The following CORO2B variants were observed in gnomAD, a reference collection of about 807,000 sequenced individuals.
The protein encoded by CORO2B is coronin 2B.
In CORO2B, 26 loss-of-function variants were observed where a neutral mutation model predicts 58.8. The observed-to-expected ratio is 0.44, with a 90% CI of 0.32 to 0.61. The LOEUF is 0.61. Ranked by LOEUF, CORO2B falls within the 20% of genes least tolerant of loss-of-function variation. CORO2B has a pLI of 0.04. For missense variants in CORO2B, 460 were observed against 645.1 expected (o/e 0.71, Z 3.11); for synonymous variants, 242 against 253.8 (o/e 0.95, Z 0.44).
the CORO2B span, among the ~76,000 whole-genome samples, chr15:68,552,079 A>C: frequency 6.6e-6 from 1 of 152,166 alleles, no homozygotes; most frequent in Non-Finnish European, 1.5e-5. Context: ...GTCCTCTCAC[A>C]GATAGGGAAA....
intron 1 of CORO2B, among the ~76,000 whole-genome samples, chr15:68,611,918 T>C (rs1900257599): frequency 6.6e-6 from 1 of 152,084 alleles, no homozygotes; most frequent in Non-Finnish European, 1.5e-5. Flanking sequence ...ACTAGAGGTG[T>C]GCACCACCAT....
chr15:68,594,140 C>G (rs949505619), intron 1 of CORO2B, among the ~76,000 whole-genome samples: 1 of 152,226 alleles, frequency 6.6e-6, no homozygotes, highest in East Asian at 1.9e-4. Flanking sequence ...TTGGGGGAGA[C>G]ATAAAGGGGA....
chr15:68,620,304 T>C (rs1900482328), intron 1 of CORO2B, among the ~76,000 whole-genome samples: 1 of 152,206 alleles, frequency 6.6e-6, no homozygotes, highest in Non-Finnish European at 1.5e-5. Context: ...TAGAATGATG[T>C]TTGTACAGAT....
chr15:68,702,801 ATCTTTT>A (rs1280487041), intron 3 of CORO2B, among the ~76,000 whole-genome samples: 93 of 135,298 alleles, frequency 6.9e-4, no homozygotes, highest in African/African-American at 2.0e-3. Flanking sequence ...CAGAAACCAT[ATCTTTT>A]TCTTTTTCTT....
At chr15:68,600,167 C>A (rs1899945699) in intron 1 of CORO2B, among the ~76,000 whole-genome samples, 8 of 152,210 alleles carry the variant, frequency 5.3e-5, no homozygotes, top group Admixed American at 2.0e-4. Flanking sequence ...AAACAAGCCT[C>A]CATCTAAAAA....
At chr15:68,641,842 G>T in intron 1 of CORO2B, among the ~76,000 whole-genome samples, 1 of 152,104 alleles carries the variant, frequency 6.6e-6, no homozygotes, top group East Asian at 1.9e-4. Flanking sequence ...TCCCACCTCA[G>T]CCTCCCAAGT....
chr15:68,605,694 TCA>T (rs1237297973), intron 1 of CORO2B, among the ~76,000 whole-genome samples: 2 of 143,476 alleles, frequency 1.4e-5, no homozygotes, highest in Non-Finnish European at 3.0e-5. Context: ...CTGGGAGGAG[TCA>T]CAGAGGGCTC....
At chr15:68,554,946 C>T in the CORO2B span, among the ~76,000 whole-genome samples, 5 of 152,194 alleles carry the variant, frequency 3.3e-5, no homozygotes, top group Non-Finnish European at 7.3e-5. Context: ...ATGACCCCAA[C>T]CCCAGGGCTG....
chr15:68,719,600 C>T (rs747486665), intron 11 of CORO2B, 48 bp downstream of exon 11: 10 of 1,562,584 alleles, frequency 6.4e-6, no homozygotes, highest in South Asian at 1.2e-5. Context: ...AGAGCAAGAC[C>T]TTTACATTTC....
chr15:68,720,476 G>A (rs1055121843), intron 11 of CORO2B, among the ~76,000 whole-genome samples: 5 of 152,196 alleles, frequency 3.3e-5, no homozygotes, highest in Admixed American at 3.3e-4. Context: ...CGTGGCTGAA[G>A]GTCTCTCATG....
intron 4 of CORO2B, among the ~76,000 whole-genome samples, 187 bp downstream of exon 4, chr15:68,711,068 G>C (rs143085627): frequency 1.8e-3 from 273 of 152,184 alleles, no homozygotes; most frequent in Middle Eastern, 6.8e-3. Flanking sequence ...GTCATTCCTG[G>C]GGTCCACAGA....
intron 3 of CORO2B, among the ~76,000 whole-genome samples, chr15:68,699,187 C>G (rs1892583881): frequency 6.6e-6 from 1 of 151,972 alleles, no homozygotes; most frequent in African/African-American, 2.4e-5. Context: ...GAGGAGCGGG[C>G]AGGAAGGGCA....
At chr15:68,580,433 G>T (rs1899401078) in intron 1 of CORO2B, among the ~76,000 whole-genome samples, 1 of 152,002 alleles carries the variant, frequency 6.6e-6, no homozygotes, top group Admixed American at 6.6e-5. Flanking sequence ...GATGGAGGTG[G>T]GGTGGTTTTG....
chr15:68,557,267 G>C, the CORO2B span, among the ~76,000 whole-genome samples: 1 of 152,118 alleles, frequency 6.6e-6, no homozygotes, highest in African/African-American at 2.4e-5. Flanking sequence ...AAGGTTCAGG[G>C]GCCAATCTAT....
chr15:68,601,557 A>G (rs1222811887), intron 1 of CORO2B, among the ~76,000 whole-genome samples: 2 of 152,210 alleles, frequency 1.3e-5, no homozygotes, highest in Non-Finnish European at 2.9e-5. Flanking sequence ...CTGGAGGAGC[A>G]GCAGCCACAC....
In CORO2B at chr15:68,725,875, G is replaced by A; in HGVS notation, c.1344G>A (p.Glu448=). ...LLRMFFRQQD[E]IRRLKEELAQ... is the part of the protein sequence containing the mutation. ...GAATGTTCTTCCGGCAGCAGGATGAGATTCGACGGTTGAAAGAGGAGCTGG... is the reference window on the plus strand; with the variant it reads ...GAATGTTCTTCCGGCAGCAGGATGAAATTCGACGGTTGAAAGAGGAGCTGG... The change falls in exon 12 of 12, where the codon GAG becomes GAA. Residue 448 remains glutamate (E), a synonymous_variant. Coordinates refer to ENST00000261861, the MANE Select transcript of CORO2B (RefSeq NM_006091.5). 6.2e-7 allele frequency: 1 copy of A among 1,614,024 alleles called. No homozygotes were observed. The highest frequency in any genetic ancestry group is 8.5e-7 in the Non-Finnish European group (1 of 1,180,032).
chr15:68,646,806 T>G (rs1210117616), intron 2 of CORO2B, among the ~76,000 whole-genome samples: 2 of 152,220 alleles, frequency 1.3e-5, no homozygotes, highest in African/African-American at 4.8e-5. Context: ...GTTACTTTTT[T>G]GGGGAAGTTA....
At chr15:68,544,442 C>CT in the CORO2B span, among the ~76,000 whole-genome samples, 1 of 152,178 alleles carries the variant, frequency 6.6e-6, no homozygotes, top group Non-Finnish European at 1.5e-5. Context: ...AACAGCCCTG[C>CT]TTCAACTAGG....
At chr15:68,698,491 G>A (rs146159879) in intron 3 of CORO2B, among the ~76,000 whole-genome samples, 3 of 152,260 alleles carry the variant, frequency 2.0e-5, no homozygotes, top group East Asian at 3.9e-4. Context: ...AGACATCCAT[G>A]GTTTGTGTCC....
Sources: allele counts gnomAD v4.1 joint callset (sites outside exome capture counted in the v4.1 genomes callset), GRCh38; gene constraint gnomAD v4.1.1; transcripts MANE v1.5; gene names NCBI Gene and HGNC (gene_info 2026-07-23, HGNC 2026-07-21).